GRM3: variants seen among roughly 807,000 people sequenced by gnomAD.
GRM3 encodes the protein glutamate metabotropic receptor 3, also known as metabotropic glutamate receptor 3.
GRM3 carries 26 observed loss-of-function variants against 70.5 expected under a neutral mutation model. The ratio of observed to expected loss-of-function variants is 0.37; its 90% CI spans 0.27 to 0.51. GRM3 has a LOEUF of 0.51. Ranked by LOEUF, GRM3 falls within the 20% of genes least tolerant of loss-of-function variation. GRM3 has a pLI of 0.93. For missense variants in GRM3, 859 were observed against 1,123.8 expected (o/e 0.76, Z 3.37); for synonymous variants, 443 against 434.9 (o/e 1.02, Z -0.23).
intron 1 of GRM3, among the ~76,000 whole-genome samples, chr7:86,746,554 A>G (rs1459655641): frequency 6.6e-6 from 1 of 151,486 alleles, no homozygotes; most frequent in Non-Finnish European, 1.5e-5. Flanking sequence ...TATTCTACAA[A>G]TCAAAAAACT....
intron 1 of GRM3, among the ~76,000 whole-genome samples, chr7:86,745,188 G>A (rs1363960345): frequency 2.0e-5 from 3 of 152,102 alleles, no homozygotes; most frequent in African/African-American, 7.2e-5. Context: ...CAGCAGAGGG[G>A]CAGGCAATGC....
rs567864501 is a variant in GRM3, at chr7:86,731,922, C to T, written c.-140-33084C>T. On this transcript the variant is annotated intron_variant, in intron 1 of 5. Coordinates refer to ENST00000361669, the MANE Select transcript of GRM3 (RefSeq NM_000840.3). ...TCTGCTTTTTATTTTTTATCACCAA[C>T]GCCTAATACAATGGCTAGCTTATAG... is the stretch of plus-strand genomic sequence containing the variant. Among the ~76,000 whole-genome samples, 404 of 152,180 alleles carry T rather than the reference C, an allele frequency of 2.7e-3. 12 individuals carry two copies. The highest frequency in any genetic ancestry group is 3.6e-3 in the Non-Finnish European group (247 of 68,000).
chr7:86,729,720 C>T (rs1795681545), intron 1 of GRM3, among the ~76,000 whole-genome samples: 1 of 152,118 alleles, frequency 6.6e-6, no homozygotes, highest in Admixed American at 6.5e-5. Flanking sequence ...ACAAATCACA[C>T]AGAAAAAAAG....
chr7:86,667,020 G>T (rs1008162697), intron 1 of GRM3, among the ~76,000 whole-genome samples: 17 of 152,150 alleles, frequency 1.1e-4, no homozygotes, highest in Non-Finnish European at 2.1e-4. Flanking sequence ...ATTTCTTTCT[G>T]GAAGTTTGAT....
chr7:86,733,832 C>G (rs558815340), intron 1 of GRM3, among the ~76,000 whole-genome samples: 1 of 152,326 alleles, frequency 6.6e-6, no homozygotes, highest in South Asian at 2.1e-4. Context: ...ATATGTACAG[C>G]ATTAGCAGGG....
chr7:86,733,797 C>A (rs1375345572), intron 1 of GRM3, among the ~76,000 whole-genome samples: 1 of 152,034 alleles, frequency 6.6e-6, no homozygotes, highest in Non-Finnish European at 1.5e-5. Context: ...GCAAGTGAAC[C>A]CAGACAACAG....
intron 1 of GRM3, among the ~76,000 whole-genome samples, chr7:86,719,819 G>T (rs1235936581): frequency 1.3e-5 from 2 of 151,982 alleles, no homozygotes; most frequent in Non-Finnish European, 2.9e-5. Context: ...CTTACAAGCT[G>T]CCTTAAGGAG....
At chr7:86,763,526 A>C (rs1358912511) in intron 1 of GRM3, among the ~76,000 whole-genome samples, 1 of 152,152 alleles carries the variant, frequency 6.6e-6, no homozygotes, top group Non-Finnish European at 1.5e-5. Context: ...AGTTTTGGAA[A>C]GCTCTCTAGA....
chr7:86,762,573 C>T (rs1383125699), intron 1 of GRM3, among the ~76,000 whole-genome samples: 1 of 152,010 alleles, frequency 6.6e-6, no homozygotes, highest in Non-Finnish European at 1.5e-5. Context: ...AAATGCTGTG[C>T]CATTTCATTA....
chr7:86,705,546 A>G (rs902053150), intron 1 of GRM3, among the ~76,000 whole-genome samples: 3 of 152,056 alleles, frequency 2.0e-5, no homozygotes, highest in African/African-American at 4.8e-5. Flanking sequence ...CAAGTAGACA[A>G]AGCTCTAGAA....
intron 1 of GRM3, among the ~76,000 whole-genome samples, chr7:86,653,346 A>G (rs1793654964): frequency 6.6e-6 from 1 of 152,240 alleles, no homozygotes; most frequent in African/African-American, 2.4e-5. Context: ...TTCGGTCCAT[A>G]ACAATTACAT....
chr7:86,673,658 C>T (rs1467760146), intron 1 of GRM3, among the ~76,000 whole-genome samples: 1 of 151,836 alleles, frequency 6.6e-6, no homozygotes, highest in East Asian at 1.9e-4. Context: ...TCCTTAATCC[C>T]TATCTCCTCA....
At chr7:86,757,147 C>A (rs1796364999) in intron 1 of GRM3, among the ~76,000 whole-genome samples, 1 of 152,098 alleles carries the variant, frequency 6.6e-6, no homozygotes, top group African/African-American at 2.4e-5. Context: ...AAATGTGCAC[C>A]ATTTCAGGTC....
At chr7:86,650,741 G>C (rs1218184130) in intron 1 of GRM3, among the ~76,000 whole-genome samples, 2 of 152,152 alleles carry the variant, frequency 1.3e-5, no homozygotes, top group African/African-American at 2.4e-5. Context: ...GTAAAACTTA[G>C]TACAGTGGCA....
intron 1 of GRM3, among the ~76,000 whole-genome samples, chr7:86,700,854 T>C (rs1224281843): frequency 1.3e-5 from 2 of 151,960 alleles, no homozygotes; most frequent in Admixed American, 1.3e-4. Flanking sequence ...TGAGATAGAC[T>C]TATAAGCATT....
At chr7:86,745,478 C>T (rs780068350) in intron 1 of GRM3, among the ~76,000 whole-genome samples, 15 of 152,170 alleles carry the variant, frequency 9.9e-5, no homozygotes, top group Admixed American at 2.0e-4. Flanking sequence ...AAATCTTCCC[C>T]GGTCACCTTC....
chr7:86,665,376 T>C (rs1794000208), intron 1 of GRM3, among the ~76,000 whole-genome samples: 5 of 152,056 alleles, frequency 3.3e-5, no homozygotes, highest in Admixed American at 2.0e-4. Flanking sequence ...ATATGAACTA[T>C]AGAAGTACCG....
intron 1 of GRM3, among the ~76,000 whole-genome samples, chr7:86,740,291 T>A (rs542771289): frequency 3.3e-5 from 5 of 152,250 alleles, no homozygotes; most frequent in African/African-American, 1.2e-4. Flanking sequence ...AGTAAGTGTA[T>A]CTAGTCCTTA....
At chr7:86,763,904 T>TC (rs1216371791) in intron 1 of GRM3, among the ~76,000 whole-genome samples, 1 of 152,106 alleles carries the variant, frequency 6.6e-6, no homozygotes, top group East Asian at 1.9e-4. Flanking sequence ...ATTGCTAGGG[T>TC]CCTGCTACGA....
Sources: allele counts gnomAD v4.1 joint callset (sites outside exome capture counted in the v4.1 genomes callset), GRCh38; gene constraint gnomAD v4.1.1; transcripts MANE v1.5; gene names NCBI Gene and HGNC (gene_info 2026-07-23, HGNC 2026-07-21).